The following EBF1 variants were observed in gnomAD, a reference collection of about 807,000 sequenced individuals.
EBF1 encodes the protein EBF transcription factor 1, also known as transcription factor COE1.
Under a neutral mutation model 68.4 loss-of-function variants are expected in EBF1, and 10 were observed. The ratio of observed to expected loss-of-function variants is 0.15; its 90% CI spans 0.09 to 0.25. The LOEUF (loss-of-function observed/expected upper bound fraction) is 0.25. Among genes scored for constraint, EBF1 ranks in the 10% least tolerant of loss-of-function variants. The probability of loss-of-function intolerance (pLI) is 1.00; values close to 1 mark genes in which losing one functional copy is unlikely to be tolerated. For synonymous variants in EBF1, 298 were observed against 299.8 expected, an observed-to-expected ratio of 0.99 and a Z score of 0.06; for missense variants, 509 against 794.4, an observed-to-expected ratio of 0.64 and a Z score of 4.32.
At chr5:158,703,559 A>G (rs1312408674) in intron 15 of EBF1, among the ~76,000 whole-genome samples, 1 of 150,728 alleles carries the variant, frequency 6.6e-6, no homozygotes, top group Non-Finnish European at 1.5e-5. Context: ...TTTTAACAGG[A>G]CATTTTGTGA....
chr5:159,080,742 C>T (rs1779616655), intron 5 of EBF1, among the ~76,000 whole-genome samples: 2 of 152,172 alleles, frequency 1.3e-5, no homozygotes, highest in Admixed American at 6.6e-5. Flanking sequence ...ATCTTAATCA[C>T]CAACTTCTGA....
At chr5:159,097,910 G>C (rs961818879) in intron 1 of EBF1, among the ~76,000 whole-genome samples, 1 of 152,140 alleles carries the variant, frequency 6.6e-6, no homozygotes, top group Non-Finnish European at 1.5e-5. Context: ...AGCCGGACCT[G>C]CCCAACACAA....
At chr5:158,866,774 T>C (rs1224851979) in intron 6 of EBF1, among the ~76,000 whole-genome samples, 1 of 148,414 alleles carries the variant, frequency 6.7e-6, no homozygotes, top group Non-Finnish European at 1.5e-5. Flanking sequence ...AGATGATTTC[T>C]TTCCAAACTA....
chr5:158,864,533 G>T (rs1361610111), intron 6 of EBF1, among the ~76,000 whole-genome samples: 1 of 152,076 alleles, frequency 6.6e-6, no homozygotes, highest in Non-Finnish European at 1.5e-5. Context: ...TGTTCTGGTT[G>T]CTGGAGTGGA....
At chr5:159,026,008 C>G (rs1561826462) in intron 6 of EBF1, among the ~76,000 whole-genome samples, 2 of 152,170 alleles carry the variant, frequency 1.3e-5, no homozygotes, top group Non-Finnish European at 2.9e-5. Flanking sequence ...TCACAAATGT[C>G]TGTTACGTGA....
chr5:158,775,974 A>C (rs1056707834), intron 10 of EBF1, among the ~76,000 whole-genome samples: 3 of 152,194 alleles, frequency 2.0e-5, no homozygotes, highest in Admixed American at 6.6e-5. Context: ...ACTTCTATAA[A>C]GCATCATAGC....
chr5:158,972,401 T>G (rs1315839440), intron 6 of EBF1, among the ~76,000 whole-genome samples: 1 of 152,160 alleles, frequency 6.6e-6, no homozygotes, highest in Non-Finnish European at 1.5e-5. Flanking sequence ...CGGATAGATG[T>G]TTAATAAGTA....
At chr5:158,773,489 A>G (rs1212490600) in intron 10 of EBF1, among the ~76,000 whole-genome samples, 1 of 152,118 alleles carries the variant, frequency 6.6e-6, no homozygotes. Flanking sequence ...CAGACATCTG[A>G]GTTGTTAGAT....
At chr5:158,866,798 G>T (rs1795943071) in intron 6 of EBF1, among the ~76,000 whole-genome samples, 1 of 138,812 alleles carries the variant, frequency 7.2e-6, no homozygotes, top group East Asian at 2.1e-4. Context: ...ACTATACACT[G>T]GGGACTCCAG....
At chr5:159,084,202 A>G (rs1780234004) in intron 5 of EBF1, among the ~76,000 whole-genome samples, 1 of 152,152 alleles carries the variant, frequency 6.6e-6, no homozygotes, top group East Asian at 1.9e-4. Context: ...TTAAGAAGAA[A>G]TGATGCCTAA....
chr5:158,945,050 T>C (rs1479734108), intron 6 of EBF1, among the ~76,000 whole-genome samples: 1 of 152,222 alleles, frequency 6.6e-6, no homozygotes, highest in African/African-American at 2.4e-5. Context: ...TAGTTTATTT[T>C]GCTGTGCAGA....
chr5:158,959,892 A>G (rs1374400144), intron 6 of EBF1, among the ~76,000 whole-genome samples: 1 of 152,216 alleles, frequency 6.6e-6, no homozygotes, highest in Non-Finnish European at 1.5e-5. Flanking sequence ...ATGCAGTAAG[A>G]GAATCAAACT....
At chr5:159,060,933 TACACACACACAC>T (rs72070397) in intron 6 of EBF1, among the ~76,000 whole-genome samples, 17 of 143,778 alleles carry the variant, frequency 1.2e-4, no homozygotes, top group African/African-American at 2.6e-4. Context: ...TAAAGCTACA[TACACACACACAC>T]ACACACACAC....
chr5:159,011,702 G>GT (rs1764704105), intron 6 of EBF1, among the ~76,000 whole-genome samples: 1 of 152,092 alleles, frequency 6.6e-6, no homozygotes, highest in Admixed American at 6.6e-5. Flanking sequence ...TGACTGCTGC[G>GT]TTTGTTTACT....
At chr5:158,745,026 T>C (rs548740620) in intron 10 of EBF1, among the ~76,000 whole-genome samples, 9 of 152,138 alleles carry the variant, frequency 5.9e-5, no homozygotes, top group Non-Finnish European at 1.2e-4. Flanking sequence ...TTGTGCTCCG[T>C]CTCCTCGCCA....
At chr5:159,018,558 G>T (rs183913628) in intron 6 of EBF1, among the ~76,000 whole-genome samples, 2 of 152,206 alleles carry the variant, frequency 1.3e-5, no homozygotes, top group Admixed American at 1.3e-4. Flanking sequence ...TTTTGTTCCA[G>T]CACACATAGT....
At chr5:158,824,945 T>C (rs1259749782) in intron 7 of EBF1, among the ~76,000 whole-genome samples, 1 of 152,254 alleles carries the variant, frequency 6.6e-6, no homozygotes, top group African/African-American at 2.4e-5. Context: ...TTGATTTTGT[T>C]TTCTAAATCT....
At chr5:158,972,377 T>C (rs1755826957) in intron 6 of EBF1, among the ~76,000 whole-genome samples, 1 of 152,192 alleles carries the variant, frequency 6.6e-6, no homozygotes, top group South Asian at 2.1e-4. Context: ...GAGTTTGCAA[T>C]ACGGTTGTCA....
intron 6 of EBF1, among the ~76,000 whole-genome samples, chr5:158,966,131 C>T (rs963968390): frequency 2.6e-5 from 4 of 152,286 alleles, no homozygotes; most frequent in Middle Eastern, 3.4e-3. Flanking sequence ...ACATTGGTTG[C>T]TTCCCTAAAA....
Sources: allele counts gnomAD v4.1 joint callset (sites outside exome capture counted in the v4.1 genomes callset), GRCh38; gene constraint gnomAD v4.1.1; transcripts MANE v1.5; gene names NCBI Gene and HGNC (gene_info 2026-07-23, HGNC 2026-07-21).